ZNF638: variants seen among roughly 807,000 people sequenced by gnomAD.
ZNF638 encodes the protein zinc finger protein 638, also known as CTCL tumor antigen se33-1.
A neutral mutation model predicts 195.6 loss-of-function variants in ZNF638; 46 were observed. The ratio of observed to expected loss-of-function variants is 0.24; its 90% CI spans 0.19 to 0.30. The LOEUF (loss-of-function observed/expected upper bound fraction) is 0.30. Among genes scored for constraint, ZNF638 ranks in the 10% least tolerant of loss-of-function variants. The pLI is 1.00. For missense variants in ZNF638, 2,440 were observed against 2,325.3 expected, an observed-to-expected ratio of 1.05 and a Z score of -1.01; for synonymous variants, 845 against 772.0, an observed-to-expected ratio of 1.09 and a Z score of -1.57.
In ZNF638 at chr2:71,393,296, G is replaced by T. The variant is rs140923888; in HGVS notation, c.2378-2845G>T. The stretch of plus-strand genomic sequence containing the variant: ...TAAAACCTCTCAAGACATAAAACCC[G>T]CAGTTTTATGGAAAGATGTAAATAG... On this transcript the variant is annotated intron_variant, in intron 10 of 27. Coordinates refer to ENST00000264447, the MANE Select transcript of ZNF638 (RefSeq NM_014497.5). The T allele has an allele frequency of 2.7e-5, 17 of 628,782 alleles. No individual in the cohort carries two copies. In the African/African-American group the frequency reaches 2.8e-4, roughly 10 times the overall value. The allele number at this position is 628,782 out of a possible 1,614,324, so 39.0% of individuals were successfully genotyped here. A position where few individuals can be genotyped will look rare whatever the true frequency, so the allele number is the denominator to read the frequency against.
At position 71,368,522 on chromosome 2, in the gene ZNF638, A is replaced by G. The variant is rs2079247290; in HGVS notation, c.2136A>G (p.Arg712=). 1 of 1,610,798 alleles carries G rather than the reference A, an allele frequency of 6.2e-7. No individual in the cohort carries two copies. The highest frequency in any genetic ancestry group is 1.3e-5 in the African/African-American group (1 of 74,764). The change falls in exon 7 of 28, where the codon AGA becomes AGG. Residue 712 remains arginine (R), a synonymous_variant. Coordinates refer to ENST00000264447, the MANE Select transcript of ZNF638 (RefSeq NM_014497.5). Reference sequence around the variant, plus strand: ...ATGATGTCCTAATTGTTCCATATAGAAAAGAGGTGAGTCATTTAGTCTGTG... The same window carrying G: ...ATGATGTCCTAATTGTTCCATATAGGAAAGAGGTGAGTCATTTAGTCTGTG... The part of the protein sequence containing the change: ...KVNDVLIVPY[R]KEAYLEMEFK...
chr2:71,414,548 A>G (rs2080277938), intron 20 of ZNF638, among the ~76,000 whole-genome samples: 1 of 64,516 alleles, frequency 1.6e-5, no homozygotes, highest in East Asian at 4.6e-4. Flanking sequence ...TTGCTTTTCT[A>G]GTTCTTTTAA....
intron 10 of ZNF638, among the ~76,000 whole-genome samples, chr2:71,392,249 T>G (rs1013715472): frequency 4.6e-5 from 7 of 152,162 alleles, no homozygotes; most frequent in Admixed American, 2.0e-4. Context: ...CTCCTCTAGT[T>G]TTGCCAACAA....
chr2:71,366,708 A>G (rs2079206489), intron 6 of ZNF638, among the ~76,000 whole-genome samples: 2 of 152,186 alleles, frequency 1.3e-5, no homozygotes, highest in Non-Finnish European at 2.9e-5. Flanking sequence ...TCTCCTGAGA[A>G]TTGATCATTA....
intron 20 of ZNF638, among the ~76,000 whole-genome samples, chr2:71,409,123 T>C (rs2080162098): frequency 6.6e-6 from 1 of 152,064 alleles, no homozygotes; most frequent in African/African-American, 2.4e-5. Flanking sequence ...AGTCCCAAAT[T>C]CTTAGAGTTA....
chr2:71,392,241 CCT>C (rs1296746197), intron 10 of ZNF638, among the ~76,000 whole-genome samples: 1 of 152,198 alleles, frequency 6.6e-6, no homozygotes, highest in Non-Finnish European at 1.5e-5. Context: ...ATCTCATACT[CCT>C]CTAGTTTTGC....
chr2:71,408,462 T>C, intron 20 of ZNF638: 1 of 506,328 alleles, frequency 2.0e-6, no homozygotes, highest in Non-Finnish European at 3.4e-6. Context: ...TATGCATTTT[T>C]GAATACTTAC....
chr2:71,345,951 C>T (rs1248325657), intron 1 of ZNF638, among the ~76,000 whole-genome samples: 3 of 152,192 alleles, frequency 2.0e-5, no homozygotes, highest in African/African-American at 7.2e-5. Context: ...TACAGTTTGT[C>T]AGGGGCAGTT....
At chr2:71,354,621 C>T (rs1403765636) in intron 2 of ZNF638, among the ~76,000 whole-genome samples, 1 of 151,790 alleles carries the variant, frequency 6.6e-6, no homozygotes, top group African/African-American at 2.4e-5. Flanking sequence ...CTGTTAATTC[C>T]AGCTACTAGG....
chr2:71,362,732 G>C (rs2670757), intron 3 of ZNF638, among the ~76,000 whole-genome samples: 150,279 of 152,340 alleles, frequency 0.99, 74,128 homozygotes, highest in East Asian at 1. Context: ...ATTCCTCTCA[G>C]TGGACATATC....
chr2:71,344,311 G>A (rs932908877), intron 1 of ZNF638, among the ~76,000 whole-genome samples: 1 of 152,116 alleles, frequency 6.6e-6, no homozygotes, highest in Middle Eastern at 3.2e-3. Context: ...ACCTGCCAGT[G>A]GATGCTGAAA....
chr2:71,358,930 T>G (rs1334072459), intron 3 of ZNF638, among the ~76,000 whole-genome samples: 1 of 152,248 alleles, frequency 6.6e-6, no homozygotes, highest in Admixed American at 6.5e-5. Context: ...TGCTGAGGGC[T>G]CATGATCAGT....
chr2:71,365,697 C>T lies in ZNF638; in HGVS notation c.1986C>T (p.Leu662=), dbSNP rs1252886956. The T allele has an allele frequency of 6.2e-7, 1 of 1,608,272 alleles. No homozygotes were observed. The highest frequency in any genetic ancestry group is 2.2e-5 in the East Asian group (1 of 44,792). Residue 662 remains leucine, a synonymous_variant, in exon 6 of 28, where the codon CTC becomes CTT. Coordinates refer to ENST00000264447, the MANE Select transcript of ZNF638 (RefSeq NM_014497.5). ...AGGTGTCTGATAAAGCTGTTTCTCTCCAGCGAAAGGTAATTCTTTAATTAA... is the reference window on the plus strand; with the variant it reads ...AGGTGTCTGATAAAGCTGTTTCTCTTCAGCGAAAGGTAATTCTTTAATTAA... ...CKQVSDKAVS[L]QRKLRKEQSL... is the part of the protein sequence containing the mutation.
Position 71,426,576 on chromosome 2 carries a change from C to G in ZNF638, c.4707C>G (p.Leu1569=), listed in dbSNP as rs767319965. The G allele has an allele frequency of 1.9e-6, 3 of 1,614,096 alleles. No homozygotes were observed. Among genetic ancestry groups the G allele is most frequent in the Non-Finnish European group, 2.5e-6 (3 of 1,180,002 alleles). The stretch of plus-strand genomic sequence containing the variant: ...TAAAGGGAAAAAGGAAAGAAACTCT[C>G]AAAAATGTTCCTTTCTCTGAACTTA... The part of the protein sequence containing the change: ...NPLKGKRKET[L]KNVPFSELNL... Residue 1569 remains leucine, a synonymous_variant, in exon 24 of 28, where the codon CTC becomes CTG. Transcript: ENST00000264447.
rs139279667 is a variant in ZNF638, at chr2:71,422,835, A to G, written c.3321A>G (p.Pro1107=). ...TTAGCCCTGGCTTGAAAAACAGTCCAATTGATGAAAGTGAGGTGCAAACAG... is the reference window on the plus strand; with the variant it reads ...TTAGCCCTGGCTTGAAAAACAGTCCGATTGATGAAAGTGAGGTGCAAACAG... ...EKESPGLKNS[P]IDESEVQTAT... The change falls in exon 22 of 28, where the codon CCA becomes CCG. Residue 1107 remains proline (P), a synonymous_variant. Transcript: ENST00000264447. 126 of 1,612,102 alleles carry G rather than the reference A, an allele frequency of 7.8e-5. No homozygotes were observed. Among genetic ancestry groups the G allele is most frequent in the Non-Finnish European group, 9.9e-5 (117 of 1,179,080 alleles).
chr2:71,370,494 C>T (rs2079290194), intron 8 of ZNF638, among the ~76,000 whole-genome samples: 1 of 152,088 alleles, frequency 6.6e-6, no homozygotes, highest in Non-Finnish European at 1.5e-5. Flanking sequence ...TTTTCTAGAT[C>T]ATTTCTGTGC....
At chr2:71,331,943 C>A (rs1181840441) in intron 1 of ZNF638, 68 bp downstream of exon 1, 1 of 984,912 alleles carries the variant, frequency 1.0e-6, no homozygotes, top group Non-Finnish European at 1.2e-6. Context: ...GGGTCCTGAG[C>A]CCTTCCTGTG....
At chr2:71,346,927 G>A (rs935402768) in intron 1 of ZNF638, among the ~76,000 whole-genome samples, 8 of 152,074 alleles carry the variant, frequency 5.3e-5, no homozygotes, top group African/African-American at 1.9e-4. Context: ...GGGAGGCTGA[G>A]GCAGGAGAAT....
Position 71,350,031 on chromosome 2 carries a change from A to G in ZNF638, c.1077A>G (p.Ser359=), listed in dbSNP as rs150619658. ...TCCCACATGAACCTGTGATTAATTC[A>G]TCTAACGTACATGTTGGATCAAGAG... ...ERIPHEPVIN[S]SNVHVGSRGS... Residue 359 remains serine, a synonymous_variant, in exon 2 of 28, where the codon TCA becomes TCG. Transcript: ENST00000264447. 5.6e-6 allele frequency: 9 copies of G among 1,614,244 alleles called. No individual in the cohort carries two copies. In the African/African-American group the frequency reaches 9.3e-5, roughly 17 times the overall value.
Sources: gnomAD v4.1 joint callset for allele counts (sites outside exome capture counted in the v4.1 genomes callset) on GRCh38, gnomAD v4.1.1 for gene constraint, MANE v1.5 for transcripts, NCBI Gene and HGNC (gene_info 2026-07-23, HGNC 2026-07-21) for gene names.